Variants in MICU1 observed in about 807,000 individuals in gnomAD.
MICU1 encodes mitochondrial calcium uptake 1, also known as calcium uptake protein 1, mitochondrial.
MICU1 carries 45 observed loss-of-function variants against 56.8 expected under a neutral mutation model. The ratio of observed to expected loss-of-function variants is 0.79; its 90% CI spans 0.62 to 1.02. The LOEUF is 1.02. Among genes scored for constraint, MICU1 ranks in the 50% least tolerant of loss-of-function variants. MICU1 has a pLI of 0.00. For synonymous variants in MICU1, 186 were observed against 195.1 expected (o/e 0.95, Z 0.39); for missense variants, 504 against 587.1 (o/e 0.86, Z 1.46).
chr10:72,509,441 A>C (rs1285877339), intron 5 of MICU1: 1 of 1,314,656 alleles, frequency 7.6e-7, no homozygotes, highest in Non-Finnish European at 1.0e-6. Flanking sequence ...AAGGAAAGAA[A>C]ACTGGTTAAC....
At chr10:72,608,273 T>C (rs1841746994) in intron 1 of MICU1, among the ~76,000 whole-genome samples, 1 of 152,142 alleles carries the variant, frequency 6.6e-6, no homozygotes, top group Admixed American at 6.5e-5. Flanking sequence ...AGTTTTGCCA[T>C]ATTGGCCAGG....
chr10:72,588,196 G>A (rs565336937), intron 1 of MICU1, among the ~76,000 whole-genome samples: 3 of 152,212 alleles, frequency 2.0e-5, no homozygotes, highest in Non-Finnish European at 2.9e-5. Flanking sequence ...ATGTGAAGAC[G>A]AGCCTGCTTC....
At chr10:72,400,499 A>G (rs1415906838) in intron 10 of MICU1, among the ~76,000 whole-genome samples, 1 of 152,080 alleles carries the variant, frequency 6.6e-6, no homozygotes, top group East Asian at 1.9e-4. Flanking sequence ...TAATCCCAGC[A>G]CTTTGGGAGG....
chr10:72,565,157 A>G (rs1005973958), intron 2 of MICU1, among the ~76,000 whole-genome samples: 6 of 151,892 alleles, frequency 4.0e-5, no homozygotes, highest in African/African-American at 1.2e-4. Context: ...CCAAAGGATC[A>G]TACATCATGC....
chr10:72,489,327 A>T (rs58384561), intron 6 of MICU1, among the ~76,000 whole-genome samples: 169 of 140,108 alleles, frequency 1.2e-3, no homozygotes, highest in African/African-American at 4.8e-3. Context: ...CACACACAAA[A>T]ATAAAAAAAA....
chr10:72,586,171 AC>A (rs1405033506), intron 1 of MICU1, among the ~76,000 whole-genome samples: 1 of 150,266 alleles, frequency 6.7e-6, no homozygotes, highest in Non-Finnish European at 1.5e-5. Context: ...ACACCACCAC[AC>A]CCAGCTAATT....
intron 8 of MICU1, among the ~76,000 whole-genome samples, chr10:72,427,391 C>G (rs1027056549): frequency 6.6e-6 from 1 of 152,090 alleles, no homozygotes; most frequent in South Asian, 2.1e-4. Flanking sequence ...AGGAAGAAAA[C>G]ATATATTATG....
chr10:72,408,970 G>T (rs1351010387), intron 9 of MICU1, among the ~76,000 whole-genome samples: 1 of 151,996 alleles, frequency 6.6e-6, no homozygotes, highest in Non-Finnish European at 1.5e-5. Context: ...TTAAAGATTT[G>T]CTGATCTCTA....
intron 2 of MICU1, among the ~76,000 whole-genome samples, chr10:72,564,544 G>GA (rs11465166): frequency 0.51 from 55,346 of 108,646 alleles, 12,860 homozygotes; most frequent in Non-Finnish European, 0.57. Context: ...ATCTCAAAAA[G>GA]AAAAAAAAAA....
At chr10:72,441,774 G>A (rs999342218) in intron 8 of MICU1, among the ~76,000 whole-genome samples, 5 of 151,688 alleles carry the variant, frequency 3.3e-5, no homozygotes, top group Admixed American at 3.3e-4. Flanking sequence ...GCACCACTAT[G>A]CCCAGCTATT....
rs527646829 is a variant in MICU1 at position 72,455,238 on chromosome 10, G to A, written c.933+19862C>T. Among the ~76,000 whole-genome samples, 3 of 150,574 alleles carry A rather than the reference G, an allele frequency of 2.0e-5. No homozygotes were observed. In the South Asian group the frequency reaches 6.3e-4, roughly 32 times the overall value. ...GTGGTGGTGGGCGCCTGTAATCCCAGCTACTCAGGAGGCTGAGGCAGGAAA... is the reference window on the plus strand; with the variant it reads ...GTGGTGGTGGGCGCCTGTAATCCCAACTACTCAGGAGGCTGAGGCAGGAAA... On this transcript the variant is annotated intron_variant, in intron 8 of 11. Transcript: ENST00000361114.
At chr10:72,558,391 T>G (rs1036057430) in intron 3 of MICU1, among the ~76,000 whole-genome samples, 2 of 152,194 alleles carry the variant, frequency 1.3e-5, no homozygotes, top group Non-Finnish European at 2.9e-5. Context: ...CTTCTGGGCT[T>G]CAGTCTGAAA....
chr10:72,467,391 T>A (rs112365224), intron 8 of MICU1, among the ~76,000 whole-genome samples: 1 of 152,062 alleles, frequency 6.6e-6, no homozygotes, highest in Non-Finnish European at 1.5e-5. Flanking sequence ...GCCATCTTGG[T>A]CAGCCTAGTC....
intron 9 of MICU1, among the ~76,000 whole-genome samples, chr10:72,418,828 G>C (rs1864067145): frequency 6.6e-6 from 1 of 152,158 alleles, no homozygotes; most frequent in South Asian, 2.1e-4. Context: ...CGTAACCTTA[G>C]GAGCAAAGGC....
intron 1 of MICU1, among the ~76,000 whole-genome samples, chr10:72,603,542 G>T (rs1841601526): frequency 6.6e-6 from 1 of 151,844 alleles, no homozygotes; most frequent in South Asian, 2.1e-4. Context: ...AGTCGCCCAG[G>T]CACAGTAGCT....
intron 8 of MICU1, among the ~76,000 whole-genome samples, chr10:72,426,824 G>A (rs1353173879): frequency 6.6e-6 from 1 of 152,168 alleles, no homozygotes; most frequent in Non-Finnish European, 1.5e-5. Context: ...ACAATCCTGT[G>A]GGTGCACTCC....
chr10:72,373,313 G>C (rs909107365), intron 11 of MICU1, among the ~76,000 whole-genome samples: 1 of 151,732 alleles, frequency 6.6e-6, no homozygotes, highest in Non-Finnish European at 1.5e-5. Context: ...CCAGTAGCTA[G>C]AACTACATGC....
intron 4 of MICU1, among the ~76,000 whole-genome samples, chr10:72,543,306 C>T (rs1839818307): frequency 6.6e-6 from 1 of 152,176 alleles, no homozygotes; most frequent in African/African-American, 2.4e-5. Context: ...TTTTAAAATA[C>T]ATTCCATGTA....
chr10:72,624,884 T>C (rs1365402827), intron 1 of MICU1, among the ~76,000 whole-genome samples: 1 of 152,160 alleles, frequency 6.6e-6, no homozygotes, highest in Admixed American at 6.5e-5. Context: ...GATAAGGCAA[T>C]ATTCAAAAAG....
Sources: allele counts gnomAD v4.1 joint callset (sites outside exome capture counted in the v4.1 genomes callset), GRCh38; gene constraint gnomAD v4.1.1; transcripts MANE v1.5; gene names NCBI Gene and HGNC (gene_info 2026-07-23, HGNC 2026-07-21).